NLRC4: variants seen among roughly 807,000 people sequenced by gnomAD.
NLRC4 encodes the protein NLR family CARD domain containing 4.
In NLRC4, 63 loss-of-function variants were observed where a neutral mutation model predicts 79.9. The observed-to-expected ratio is 0.79, with a 90% CI of 0.64 to 0.97. The LOEUF is 0.97. Among genes scored for constraint, NLRC4 ranks in the 50% least tolerant of loss-of-function variants. The pLI is 0.00. For synonymous variants in NLRC4, 461 were observed against 456.5 expected (o/e 1.01, Z -0.12); for missense variants, 1,074 against 1,215.2 (o/e 0.88, Z 1.73).
At chr2:32,232,881 G>T (rs182484047) in intron 8 of NLRC4, among the ~76,000 whole-genome samples, 55 of 152,242 alleles carry the variant, frequency 3.6e-4, no homozygotes, top group Admixed American at 2.4e-3. Flanking sequence ...ACAATTTTAA[G>T]TGGCTTGTCA....
rs543312904 is a variant in NLRC4, at chr2:32,260,512, G to C, written c.-118-3619C>G. Among the ~76,000 whole-genome samples, 3 of 152,270 alleles carry C rather than the reference G, an allele frequency of 2.0e-5. No individual in the cohort carries two copies. The East Asian group carries it at 5.8e-4, about 29-fold the overall frequency. On this transcript the variant is annotated intron_variant, in intron 1 of 8. Transcript: ENST00000402280. ...TTGTGAGAGTGATAAGTGAGGATAA[G>C]AAAGTCCTAGATAAAGTTTCCTTTC...
chr2:32,224,816 AAAAG>A (rs766171437), intron 8 of NLRC4, 51 bp from the exon 9 acceptor site: 141 of 1,111,122 alleles, frequency 1.3e-4, no homozygotes, highest in Middle Eastern at 2.1e-4. Flanking sequence ...TTTTTAAAAA[AAAAG>A]AGAAATAGGT....
At chr2:32,240,751 T>C (rs548412386) in intron 5 of NLRC4, among the ~76,000 whole-genome samples, 2 of 152,344 alleles carry the variant, frequency 1.3e-5, no homozygotes, top group Admixed American at 6.5e-5. Context: ...ATTGTTTCTA[T>C]GCATTAAATA....
intron 1 of NLRC4, among the ~76,000 whole-genome samples, chr2:32,259,638 C>G (rs1349759758): frequency 6.6e-6 from 1 of 152,092 alleles, no homozygotes; most frequent in Non-Finnish European, 1.5e-5. Context: ...CTTTGATGAG[C>G]TGAAAAATGC....
At chr2:32,238,766 G>T (rs1026859238) in intron 5 of NLRC4, among the ~76,000 whole-genome samples, 2 of 152,114 alleles carry the variant, frequency 1.3e-5, no homozygotes, top group African/African-American at 4.8e-5. Flanking sequence ...CTCATGATAT[G>T]GGGCCTGCCT....
At position 32,262,066 on chromosome 2, in the gene NLRC4, C is replaced by T. The variant is rs113682527; in HGVS notation, c.-119+2672G>A. On this transcript the variant is annotated intron_variant, in intron 1 of 8. Coordinates refer to ENST00000402280, the MANE Select transcript of NLRC4 (RefSeq NM_001199138.2). ...ACTGCACTCCAGCCTGGTGACAGAG[C>T]GAGACTCTGGGTCAAAAAAAAGAAA... 5.2e-4 allele frequency among the ~76,000 whole-genome samples: 79 copies of T among 151,768 alleles called. No individual in the cohort carries two copies. In the South Asian group the frequency reaches 5.4e-3, roughly 10 times the overall value.
At chr2:32,254,312 C>T (rs1573498831) in intron 2 of NLRC4, among the ~76,000 whole-genome samples, 1 of 150,834 alleles carries the variant, frequency 6.6e-6, no homozygotes, top group East Asian at 1.9e-4. Flanking sequence ...CTATTTTTAG[C>T]CTTTATTCAG....
At position 32,250,991 on chromosome 2, in the gene NLRC4, A is replaced by G; in HGVS notation, c.873T>C (p.Gly291=). The change falls in exon 4 of 9, where the codon GGT becomes GGC. Residue 291 remains glycine (G), a synonymous_variant. Coordinates refer to ENST00000402280, the MANE Select transcript of NLRC4 (RefSeq NM_001199138.2). This position sits in a 1 kb window ranked among gnomAD's most constrained non-coding sequence, Gnocchi z 4.9. ...TECLRHIRQF[G]ALTAEVGDMT... Reference sequence around the variant, plus strand: ...TATCCCCCACCTCAGCAGTCAGGGCACCAAACTGCCGTATGTGCCTCAGGC... The same window carrying G: ...TATCCCCCACCTCAGCAGTCAGGGCGCCAAACTGCCGTATGTGCCTCAGGC... 1 of 1,614,200 alleles carries G rather than the reference A, an allele frequency of 6.2e-7. No individual in the cohort carries two copies.
At chr2:32,242,202 A>G (rs1411072409) in intron 4 of NLRC4, among the ~76,000 whole-genome samples, 1 of 152,142 alleles carries the variant, frequency 6.6e-6, no homozygotes, top group East Asian at 1.9e-4. Flanking sequence ...CAGGTAAACA[A>G]TAGAAAAAAA....
At chr2:32,230,206 C>CATG (rs1191843579) in intron 8 of NLRC4, among the ~76,000 whole-genome samples, 3 of 152,036 alleles carry the variant, frequency 2.0e-5, no homozygotes, top group Non-Finnish European at 4.4e-5. Flanking sequence ...ACAGTCACAT[C>CATG]CTCTGTGAAA....
At chr2:32,255,842 G>A (rs543733456) in intron 2 of NLRC4, among the ~76,000 whole-genome samples, 110 of 151,788 alleles carry the variant, frequency 7.2e-4, no homozygotes, top group Middle Eastern at 3.4e-3. Context: ...GTGAAACCTC[G>A]TCTCTACTAA....
In NLRC4 at chr2:32,250,791, G is replaced by T. The variant is rs753095003; in HGVS notation, c.1073C>A (p.Thr358Lys). 2 of 1,614,168 alleles carry T rather than the reference G, an allele frequency of 1.2e-6. No individual in the cohort carries two copies. Among genetic ancestry groups the T allele is most frequent in the South Asian group, 1.1e-5 (1 of 91,084 alleles). Residue 358 changes from threonine (T) to lysine (K), a missense_variant, in exon 4 of 9, where the codon ACA becomes AAA. Physicochemically the swap from Thr to Lys is moderately conservative, Grantham distance 78 (BLOSUM62 -1). Coordinates refer to ENST00000402280, the MANE Select transcript of NLRC4 (RefSeq NM_001199138.2). The surrounding 1 kb of genome is among the most constrained non-coding windows in gnomAD (Gnocchi z 4.9). ...GAAGGTATGGAACAGCGTTGTTTGT[G>T]TGTGAGAGTGGAACTCACTTTCACC... ...QMGESEFHSHTQTTLFHTFYD... is the reference protein window; with the variant it reads ...QMGESEFHSHKQTTLFHTFYD...
intron 5 of NLRC4, among the ~76,000 whole-genome samples, chr2:32,239,345 C>T (rs1464248085): frequency 1.3e-5 from 2 of 152,026 alleles, no homozygotes; most frequent in African/African-American, 4.8e-5. Flanking sequence ...GCAGAGCTTT[C>T]GGGAAGGTTG....
chr2:32,251,420 G>A lies in NLRC4; in HGVS notation c.444C>T (p.Arg148=), dbSNP rs771272152. Reference sequence around the variant, plus strand: ...GGCCATTCAGGGTCAGCTGCTCCACGCGGTGATGGTGTTGGTCCTTCCTCC... The same window carrying A: ...GGCCATTCAGGGTCAGCTGCTCCACACGGTGATGGTGTTGGTCCTTCCTCC... ...VLWRKDQHHH[R]VEQLTLNGLL... is the part of the protein sequence containing the mutation. Residue 148 remains arginine (R), a synonymous_variant, in exon 4 of 9, where the codon CGC becomes CGT. Transcript: ENST00000402280. 5.0e-6 allele frequency: 8 copies of A among 1,614,118 alleles called. No homozygotes were observed. Among genetic ancestry groups the A allele is most frequent in the East Asian group, 2.2e-5 (1 of 44,878 alleles).
chr2:32,259,796 C>A (rs1231900134), intron 1 of NLRC4, among the ~76,000 whole-genome samples: 3 of 152,160 alleles, frequency 2.0e-5, no homozygotes, highest in African/African-American at 4.8e-5. Context: ...TGTTGAAGAA[C>A]TTCACATAAA....
chr2:32,261,316 C>CCTTTTTTTTTTTTTTTTTTTTTTTT, intron 1 of NLRC4, among the ~76,000 whole-genome samples: 9 of 96,884 alleles, frequency 9.3e-5, no homozygotes, highest in African/African-American at 2.9e-4. Flanking sequence ...AGCCTCCCCC[C>CCTTTTTTTTTTTTTTTTTTTTTTTT]TTTTGTTTTT....
At chr2:32,230,614 G>C (rs1686510848) in intron 8 of NLRC4, among the ~76,000 whole-genome samples, 1 of 151,904 alleles carries the variant, frequency 6.6e-6, no homozygotes, top group Non-Finnish European at 1.5e-5. Context: ...TGGGATTACA[G>C]GCATGTGCCA....
At chr2:32,244,808 T>C (rs1384060293) in intron 4 of NLRC4, among the ~76,000 whole-genome samples, 1 of 142,094 alleles carries the variant, frequency 7.0e-6, no homozygotes, top group Non-Finnish European at 1.5e-5. Context: ...AGAGACCTCC[T>C]CTCTACAAAA....
chr2:32,240,772 C>T (rs1256230381), intron 5 of NLRC4, among the ~76,000 whole-genome samples: 2 of 152,030 alleles, frequency 1.3e-5, no homozygotes, highest in African/African-American at 4.8e-5. Flanking sequence ...AAAACATAGC[C>T]AATGAGCCAG....
Sources: gnomAD v4.1 joint callset for allele counts (sites outside exome capture counted in the v4.1 genomes callset) on GRCh38, gnomAD v4.1.1 for gene constraint, Gnocchi (gnomAD v3.1) non-coding constraint, MANE v1.5 for transcripts, NCBI Gene and HGNC (gene_info 2026-07-23, HGNC 2026-07-21) for gene names.